ZNF704: variants seen among roughly 807,000 people sequenced by gnomAD.
ZNF704 encodes the protein zinc finger protein 704, also known as glucocorticoid induced gene 1.
In ZNF704, 10 loss-of-function variants were observed where a neutral mutation model predicts 44.7. That is an observed-to-expected ratio of 0.22 (90% CI 0.14 to 0.38). ZNF704 has a LOEUF of 0.38. Among genes scored for constraint, ZNF704 ranks in the 10% least tolerant of loss-of-function variants. The pLI, the probability that ZNF704 is intolerant of heterozygous loss-of-function variation, is 1.00. For missense variants in ZNF704, 390 were observed against 545.5 expected (o/e 0.71, Z 2.84); for synonymous variants, 211 against 207.6 (o/e 1.02, Z -0.14).
chr8:80,883,646 A>G, the ZNF704 span, among the ~76,000 whole-genome samples: 23 of 152,240 alleles, frequency 1.5e-4, 1 homozygote, highest in Admixed American at 1.5e-3. Flanking sequence ...TTTTAGGTAG[A>G]TCTGACTGAG....
intron 2 of ZNF704, among the ~76,000 whole-genome samples, chr8:80,777,190 G>A (rs748656847): frequency 8.6e-5 from 13 of 151,872 alleles, no homozygotes; most frequent in Middle Eastern, 6.8e-3. Flanking sequence ...GTTTTATCAC[G>A]TCAGAAATTG....
At chr8:80,792,415 G>T (rs1156946527) in intron 2 of ZNF704, among the ~76,000 whole-genome samples, 10 of 152,086 alleles carry the variant, frequency 6.6e-5, no homozygotes, top group Admixed American at 6.6e-4. Flanking sequence ...TAATGTGGGG[G>T]CATACTCTAA....
At chr8:80,740,450 G>A (rs1282701926) in intron 2 of ZNF704, among the ~76,000 whole-genome samples, 1 of 152,028 alleles carries the variant, frequency 6.6e-6, no homozygotes, top group East Asian at 1.9e-4. Flanking sequence ...GCCCAACAAG[G>A]ACTCCAAAAA....
intron 7 of ZNF704, among the ~76,000 whole-genome samples, chr8:80,656,197 CTCTT>C (rs1199252316): frequency 1.3e-5 from 2 of 152,120 alleles, no homozygotes; most frequent in Non-Finnish European, 1.5e-5. Context: ...CTCTCTCTCT[CTCTT>C]TCTCTCTCGA....
chr8:80,794,876 A>C lies in ZNF704; in HGVS notation c.221+26498T>G, dbSNP rs111263187. 3.4e-3 allele frequency among the ~76,000 whole-genome samples: 513 copies of C among 152,356 alleles called. 6 individuals are homozygous for C. The highest frequency in any genetic ancestry group is 0.012 in the African/African-American group (496 of 41,588). On this transcript the variant is annotated intron_variant, in intron 2 of 8. Transcript: ENST00000327835. ...GGATTATTTTCCCTGTCTGGTTTCT[A>C]TGATGCCATGAGTAGAATTCTGAGG...
intron 2 of ZNF704, among the ~76,000 whole-genome samples, chr8:80,807,438 A>G (rs1182518459): frequency 6.6e-6 from 1 of 152,130 alleles, no homozygotes; most frequent in Non-Finnish European, 1.5e-5. Flanking sequence ...TAATGAGGAA[A>G]AAAAGCTTAC....
rs1411371965 is a variant in ZNF704, at chr8:80,640,262, A to G, written c.*1104T>C. 6.6e-6 allele frequency: 1 copy of G among 152,636 alleles called. No homozygotes were observed. Among genetic ancestry groups the G allele is most frequent in the Non-Finnish European group, 1.5e-5 (1 of 68,048 alleles). The allele number at this position is 152,636 out of a possible 1,614,324, so 9.5% of individuals were successfully genotyped here. A position where few individuals can be genotyped will look rare whatever the true frequency, so the allele number is the denominator to read the frequency against. On this transcript the variant is annotated 3_prime_UTR_variant, in exon 9 of 9. Transcript: ENST00000327835. ...GACATGCTAAAGCATAAAACCTATA[A>G]AAGTGCACTCAGAATGGAAGTGGTT...
chr8:80,645,076 G>A, intron 7 of ZNF704: 1 of 1,513,758 alleles, frequency 6.6e-7, no homozygotes, highest in Non-Finnish European at 9.2e-7. Context: ...TGGGTTTTAG[G>A]GACCAGCTTG....
intron 2 of ZNF704, among the ~76,000 whole-genome samples, chr8:80,758,963 C>T (rs1328248955): frequency 6.6e-6 from 1 of 152,130 alleles, no homozygotes; most frequent in Non-Finnish European, 1.5e-5. Context: ...GGTTATATAG[C>T]AAGTAAGTGG....
intron 1 of ZNF704, among the ~76,000 whole-genome samples, chr8:80,834,186 C>T (rs1808519296): frequency 6.8e-6 from 1 of 146,196 alleles, no homozygotes; most frequent in African/African-American, 2.7e-5. Context: ...CGAGCGAGAC[C>T]CTGACTCAAA....
rs1212311210 is a variant in ZNF704 at position 80,636,483 on chromosome 8, C to G, written c.*4883G>C. On this transcript the variant is annotated 3_prime_UTR_variant, in exon 9 of 9. Coordinates refer to ENST00000327835, the MANE Select transcript of ZNF704 (RefSeq NM_001033723.3). ...TATTGGTGTGCATTACTCAGTGATACAACTGGTACCTAAAAAAAGTGCTAA... is the reference window on the plus strand; with the variant it reads ...TATTGGTGTGCATTACTCAGTGATAGAACTGGTACCTAAAAAAAGTGCTAA... 6.6e-6 allele frequency: 1 copy of G among 152,156 alleles called. No individual in the cohort carries two copies. The highest frequency in any genetic ancestry group is 1.9e-4 in the East Asian group (1 of 5,198). The allele number at this position is 152,156 out of a possible 1,614,324, so 9.4% of individuals were successfully genotyped here. A position where few individuals can be genotyped will look rare whatever the true frequency, so the allele number is the denominator to read the frequency against.
chr8:80,673,482 A>G (rs902656078), intron 4 of ZNF704: 6 of 152,248 alleles, frequency 3.9e-5, no homozygotes, highest in African/African-American at 1.2e-4. Context: ...CAACACATAC[A>G]GCAGTGGTGG....
intron 1 of ZNF704, among the ~76,000 whole-genome samples, chr8:80,840,016 T>C (rs1223978834): frequency 6.6e-6 from 1 of 152,214 alleles, no homozygotes; most frequent in Non-Finnish European, 1.5e-5. Context: ...CAAGTTTTGC[T>C]CAGTTTTGAA....
chr8:80,817,216 G>C (rs1808190583), intron 2 of ZNF704, among the ~76,000 whole-genome samples: 1 of 152,134 alleles, frequency 6.6e-6, no homozygotes, highest in South Asian at 2.1e-4. Context: ...AATATTGTGG[G>C]GTGGGAGGAA....
At chr8:80,840,443 G>C (rs910681418) in intron 1 of ZNF704, among the ~76,000 whole-genome samples, 2 of 152,112 alleles carry the variant, frequency 1.3e-5, no homozygotes, top group Admixed American at 6.6e-5. Context: ...GGACACCCCC[G>C]CTCTAAAGTA....
intron 1 of ZNF704, among the ~76,000 whole-genome samples, chr8:80,839,385 G>A (rs1808637637): frequency 6.6e-6 from 1 of 152,184 alleles, no homozygotes; most frequent in South Asian, 2.1e-4. Flanking sequence ...TAAACAGCAG[G>A]TGAAATTAAA....
At chr8:80,730,802 T>C (rs1383936991) in intron 2 of ZNF704, among the ~76,000 whole-genome samples, 1 of 152,070 alleles carries the variant, frequency 6.6e-6, no homozygotes, top group East Asian at 1.9e-4. Context: ...AATGAAAAGG[T>C]AGCCACACAA....
At chr8:80,768,875 A>T (rs148209896) in intron 2 of ZNF704, among the ~76,000 whole-genome samples, 7 of 152,296 alleles carry the variant, frequency 4.6e-5, no homozygotes, top group African/African-American at 1.7e-4. Flanking sequence ...TAGTTGTCAA[A>T]TATTTACTAG....
intron 1 of ZNF704, 131 bp from the exon 2 acceptor site, chr8:80,821,746 A>T (rs1808275163): frequency 3.0e-6 from 2 of 675,944 alleles, no homozygotes; most frequent in Non-Finnish European, 5.0e-6. Context: ...AATTTTAATA[A>T]GAAAAATGCA....
Sources: allele counts gnomAD v4.1 joint callset (sites outside exome capture counted in the v4.1 genomes callset), GRCh38; gene constraint gnomAD v4.1.1; transcripts MANE v1.5; gene names NCBI Gene and HGNC (gene_info 2026-07-23, HGNC 2026-07-21).